WWOX: variants seen among roughly 807,000 people sequenced by gnomAD.
WWOX encodes WW domain containing oxidoreductase, also known as WW domain-containing oxidoreductase.
Under a neutral mutation model 46.2 loss-of-function variants are expected in WWOX, and 69 were observed. That is an observed-to-expected ratio of 1.49 (90% CI 1.23 to 1.82). WWOX has a LOEUF of 1.82. WWOX is among the 40% of genes most tolerant of loss of function. The pLI is 0.00. For synonymous variants in WWOX, 359 were observed against 202.6 expected (o/e 1.77, Z -6.56); for missense variants, 919 against 542.6 (o/e 1.69, Z -6.89).
At chr16:78,851,860 G>A (rs1402406286) in intron 8 of WWOX, among the ~76,000 whole-genome samples, 1 of 152,130 alleles carries the variant, frequency 6.6e-6, no homozygotes, top group Admixed American at 6.5e-5. Flanking sequence ...TAAAAGACTG[G>A]AGTTTTTATA....
intron 8 of WWOX, among the ~76,000 whole-genome samples, chr16:78,732,347 G>A (rs181297300): frequency 1.6e-3 from 240 of 152,198 alleles, no homozygotes; most frequent in African/African-American, 4.8e-3. Flanking sequence ...TCAATCTAGC[G>A]TAGGTAGGAA....
intron 8 of WWOX, among the ~76,000 whole-genome samples, chr16:78,873,778 C>G (rs927715942): frequency 2.0e-5 from 3 of 152,032 alleles, no homozygotes; most frequent in Non-Finnish European, 2.9e-5. Context: ...AACAGAGAGA[C>G]CCTGCCTCAA....
intron 8 of WWOX, among the ~76,000 whole-genome samples, chr16:78,618,683 G>A (rs1031642966): frequency 5.3e-5 from 8 of 152,028 alleles, no homozygotes; most frequent in African/African-American, 1.2e-4. Flanking sequence ...TGTTTGATCC[G>A]GGGGAATAAA....
intron 5 of WWOX, among the ~76,000 whole-genome samples, chr16:78,367,121 A>T (rs2081553192): frequency 6.6e-6 from 1 of 151,964 alleles, no homozygotes. Context: ...CTGGTACTAC[A>T]GGTGCCTGCC....
At chr16:78,508,310 CTTTTTTTTTTTTTTTTTT>C (rs60281450) in intron 8 of WWOX, among the ~76,000 whole-genome samples, 2 of 112,768 alleles carry the variant, frequency 1.8e-5, no homozygotes, top group Middle Eastern at 5.1e-3. Context: ...TGCGCCCGGC[CTTTTTTTTTTTTTTTTTT>C]TTTTTTTTTT....
chr16:79,092,343 C>A (rs1045787353), intron 8 of WWOX, among the ~76,000 whole-genome samples: 1 of 152,148 alleles, frequency 6.6e-6, no homozygotes. Flanking sequence ...GGCTTGAAAA[C>A]AGGGCAGTAA....
intron 5 of WWOX, among the ~76,000 whole-genome samples, chr16:78,183,660 A>C (rs1207569339): frequency 6.6e-6 from 1 of 152,052 alleles, no homozygotes; most frequent in African/African-American, 2.4e-5. Flanking sequence ...GCCAAGTACC[A>C]CTCACTGAGC....
At chr16:78,434,058 G>T (rs1292029361) in intron 8 of WWOX, among the ~76,000 whole-genome samples, 2 of 152,136 alleles carry the variant, frequency 1.3e-5, no homozygotes, top group Middle Eastern at 3.4e-3. Context: ...CAAAGTGCTG[G>T]GATTACAGGC....
chr16:78,863,049 C>A (rs2151193980), intron 8 of WWOX, among the ~76,000 whole-genome samples: 1 of 150,768 alleles, frequency 6.6e-6, no homozygotes, highest in Admixed American at 6.6e-5. Flanking sequence ...ACCTCTGCCT[C>A]CCAGGTTCAA....
chr16:79,031,948 G>A (rs1189667603), intron 8 of WWOX, among the ~76,000 whole-genome samples: 9 of 137,352 alleles, frequency 6.6e-5, no homozygotes, highest in African/African-American at 1.9e-4. Flanking sequence ...ACAGATATCT[G>A]TATATATATA....
At chr16:78,287,800 A>G (rs1175783025) in intron 5 of WWOX, among the ~76,000 whole-genome samples, 4 of 152,190 alleles carry the variant, frequency 2.6e-5, no homozygotes, top group Non-Finnish European at 5.9e-5. Flanking sequence ...AACTTAAAAA[A>G]ATTTTTTTAA....
chr16:78,692,238 A>C (rs750746121), intron 8 of WWOX, among the ~76,000 whole-genome samples: 2 of 152,212 alleles, frequency 1.3e-5, no homozygotes, highest in Non-Finnish European at 2.9e-5. Flanking sequence ...ATTAATATCT[A>C]GTCCATTTCT....
At chr16:78,904,597 C>T (rs959779268) in intron 8 of WWOX, among the ~76,000 whole-genome samples, 4 of 152,118 alleles carry the variant, frequency 2.6e-5, no homozygotes, top group African/African-American at 9.7e-5. Context: ...TTCCCCAGGT[C>T]AGCCTGCCTC....
At chr16:78,860,689 T>C (rs1004838232) in intron 8 of WWOX, among the ~76,000 whole-genome samples, 3 of 152,354 alleles carry the variant, frequency 2.0e-5, no homozygotes, top group South Asian at 4.1e-4. Context: ...GTGTTCTTCC[T>C]GTTAGCAGTG....
chr16:78,367,487 T>C (rs888743761), intron 5 of WWOX, among the ~76,000 whole-genome samples: 7 of 152,312 alleles, frequency 4.6e-5, no homozygotes, highest in Admixed American at 1.3e-4. Flanking sequence ...GATAATTCTT[T>C]GTCCAGTGTC....
chr16:78,925,600 A>G (rs1466262187), intron 8 of WWOX, among the ~76,000 whole-genome samples: 5 of 152,220 alleles, frequency 3.3e-5, no homozygotes, highest in African/African-American at 1.2e-4. Flanking sequence ...GAGGAGATGC[A>G]CATTTTAAAA....
intron 8 of WWOX, among the ~76,000 whole-genome samples, chr16:79,197,484 C>G (rs146100281): frequency 6.6e-6 from 1 of 151,788 alleles, no homozygotes; most frequent in Non-Finnish European, 1.5e-5. Context: ...CTCCAGTGAG[C>G]GAGTTCTTGA....
chr16:78,236,720 C>T (rs1325643946), intron 5 of WWOX, among the ~76,000 whole-genome samples: 1 of 152,066 alleles, frequency 6.6e-6, no homozygotes, highest in Non-Finnish European at 1.5e-5. Flanking sequence ...CTGAAATCCA[C>T]AGTGGACACC....
rs138806967 is a variant in WWOX, at chr16:78,594,429, G to GCCCCCCCCCCCCC, written c.1056+161681_1056+161693dup. On this transcript the variant is annotated intron_variant, in intron 8 of 8. Coordinates refer to ENST00000566780, the MANE Select transcript of WWOX (RefSeq NM_016373.4). Reference sequence around the variant, plus strand: ...TCTTGACGAAGAAGACTGAGGAAAGGCCCCCCCCCCCCCCCCGCCAAATTG... The same window carrying GCCCCCCCCCCCCC: ...TCTTGACGAAGAAGACTGAGGAAAGGCCCCCCCCCCCCCCCCCCCCCCCCCCCCCGCCAAATTG... Among the ~76,000 whole-genome samples the GCCCCCCCCCCCCC allele has an allele frequency of 2.7e-3, 86 of 32,390 alleles. 3 individuals are homozygous for GCCCCCCCCCCCCC. The highest frequency in any genetic ancestry group is 3.7e-3 in the African/African-American group (27 of 7,376). 21.2% of individuals were successfully genotyped at this position (32,390 alleles called of 152,430 possible).
Sources: gnomAD v4.1 joint callset for allele counts (sites outside exome capture counted in the v4.1 genomes callset) on GRCh38, gnomAD v4.1.1 for gene constraint, MANE v1.5 for transcripts, NCBI Gene and HGNC (gene_info 2026-07-23, HGNC 2026-07-21) for gene names.